Variants in CADPS observed in about 807,000 individuals in gnomAD.
CADPS encodes the protein calcium-dependent secretion activator 1.
In CADPS, 57 loss-of-function variants were observed where a neutral mutation model predicts 167.3. The observed-to-expected ratio is 0.34, with a 90% CI of 0.28 to 0.42. The LOEUF is 0.42. Ranked by LOEUF, CADPS falls within the 20% of genes least tolerant of loss-of-function variation. CADPS has a pLI of 1.00. For missense variants in CADPS, 1,414 were observed against 1,738.1 expected (o/e 0.81, Z 3.32); for synonymous variants, 676 against 635.3 (o/e 1.06, Z -0.96).
rs2150384978 is a variant in CADPS at position 62,465,939 on chromosome 3, A to C, written c.3552+400T>G. Among the ~76,000 whole-genome samples, 1 of 152,308 alleles carries C rather than the reference A, an allele frequency of 6.6e-6. No homozygotes were observed. The highest frequency in any genetic ancestry group is 2.4e-5 in the African/African-American group (1 of 41,564). ...TCATGAGGGTGACTGAAATAGCTTT[A>C]TCTGACTTTTATGTTTTATTATGAC... On this transcript the variant is annotated intron_variant, in intron 25 of 29. Coordinates refer to ENST00000383710, the MANE Select transcript of CADPS (RefSeq NM_003716.4). This position sits in a 1 kb window ranked among gnomAD's most constrained non-coding sequence, Gnocchi z 4.1.
intron 11 of CADPS, among the ~76,000 whole-genome samples, chr3:62,546,265 A>C (rs1327006282): frequency 6.6e-6 from 1 of 152,166 alleles, no homozygotes; most frequent in African/African-American, 2.4e-5. Context: ...TGTTCTTTAC[A>C]ACTATGTTAT....
At chr3:62,809,275 T>C (rs1365045541) in intron 1 of CADPS, among the ~76,000 whole-genome samples, 2 of 152,204 alleles carry the variant, frequency 1.3e-5, no homozygotes, top group Admixed American at 6.5e-5. Context: ...TGGCTTTCCA[T>C]TGCACTTAGA....
chr3:62,743,775 G>A (rs1323802581), intron 3 of CADPS, among the ~76,000 whole-genome samples: 2 of 152,088 alleles, frequency 1.3e-5, no homozygotes, highest in African/African-American at 4.8e-5. Context: ...GAATAGATGC[G>A]TCCATTAAAA....
chr3:62,531,607 T>G (rs1330332830), intron 13 of CADPS, among the ~76,000 whole-genome samples: 2 of 152,184 alleles, frequency 1.3e-5, no homozygotes, highest in African/African-American at 2.4e-5. Flanking sequence ...TTAAAATAAA[T>G]GTAGTCAATT....
chr3:62,413,542 T>C lies in CADPS; in HGVS notation c.3778-10357A>G, dbSNP rs143546766. 5.0e-3 allele frequency among the ~76,000 whole-genome samples: 765 copies of C among 152,312 alleles called. 5 individuals are homozygous for C. The highest frequency in any genetic ancestry group is 0.018 in the African/African-American group (736 of 41,564). ...CAGTCACGAAAAGATAAAAACTGTA[T>C]GATTCCACTTATATGAGGTATCTAG... On this transcript the variant is annotated intron_variant, in intron 28 of 29. Coordinates refer to ENST00000383710, the MANE Select transcript of CADPS (RefSeq NM_003716.4).
At chr3:62,707,385 G>T (rs1334722175) in intron 3 of CADPS, among the ~76,000 whole-genome samples, 1 of 152,122 alleles carries the variant, frequency 6.6e-6, no homozygotes, top group Non-Finnish European at 1.5e-5. Flanking sequence ...TCCCAAAAAG[G>T]TTGGGGAGCA....
At chr3:62,652,048 G>C (rs1013135552) in intron 4 of CADPS, among the ~76,000 whole-genome samples, 1 of 152,144 alleles carries the variant, frequency 6.6e-6, no homozygotes, top group Admixed American at 6.5e-5. Context: ...TAAAATCTTG[G>C]CTTTGGTTCC....
chr3:62,652,152 C>T (rs377761498), intron 4 of CADPS, among the ~76,000 whole-genome samples: 3 of 152,026 alleles, frequency 2.0e-5, no homozygotes, highest in Non-Finnish European at 4.4e-5. Context: ...TGCTATCTAA[C>T]GGAAAAGTGA....
At position 62,767,307 on chromosome 3, in the gene CADPS, T is replaced by A. The variant is rs534089706; in HGVS notation, c.442-1323A>T. Among the ~76,000 whole-genome samples, 3 of 152,294 alleles carry A rather than the reference T, an allele frequency of 2.0e-5. No homozygotes were observed. The South Asian group carries it at 6.2e-4, about 32-fold the overall frequency. On this transcript the variant is annotated intron_variant, in intron 1 of 29. Transcript: ENST00000383710. Reference sequence around the variant, plus strand: ...TGGAAAAAGCGACTTATATTCTGCATTGACCTGAGAGTGAAGAGCCAGCCT... The same window carrying A: ...TGGAAAAAGCGACTTATATTCTGCAATGACCTGAGAGTGAAGAGCCAGCCT...
At chr3:62,673,783 G>T (rs998999167) in intron 3 of CADPS, among the ~76,000 whole-genome samples, 17 of 152,116 alleles carry the variant, frequency 1.1e-4, no homozygotes, top group African/African-American at 4.1e-4. Flanking sequence ...CAAGCCAGAG[G>T]TGATTATATT....
At chr3:62,723,051 T>C (rs895671765) in intron 3 of CADPS, among the ~76,000 whole-genome samples, 1 of 152,176 alleles carries the variant, frequency 6.6e-6, no homozygotes, top group African/African-American at 2.4e-5. Context: ...AATATAGTAC[T>C]AGGCTTTGAG....
At chr3:62,621,148 T>C (rs1388271275) in intron 6 of CADPS, among the ~76,000 whole-genome samples, 1 of 152,208 alleles carries the variant, frequency 6.6e-6, no homozygotes, top group Non-Finnish European at 1.5e-5. Flanking sequence ...AATCTCTGGA[T>C]ATGGGGGCAC....
chr3:62,730,423 T>C (rs2077549403), intron 3 of CADPS, among the ~76,000 whole-genome samples: 1 of 152,174 alleles, frequency 6.6e-6, no homozygotes, highest in Admixed American at 6.5e-5. Flanking sequence ...ATTTGGGTAG[T>C]ATTCTAGTCA....
At chr3:62,839,178 G>A (rs1462530860) in intron 1 of CADPS, among the ~76,000 whole-genome samples, 2 of 152,214 alleles carry the variant, frequency 1.3e-5, no homozygotes, top group South Asian at 2.1e-4. Context: ...TCTAGGGGAG[G>A]AAATGGTCAG....
chr3:62,552,775 C>T (rs1020810715), intron 10 of CADPS, among the ~76,000 whole-genome samples: 2 of 152,142 alleles, frequency 1.3e-5, no homozygotes, highest in African/African-American at 4.8e-5. Flanking sequence ...ATAGCTACTT[C>T]TTTATATGGA....
At chr3:62,702,951 C>T (rs1463402546) in intron 3 of CADPS, among the ~76,000 whole-genome samples, 1 of 152,046 alleles carries the variant, frequency 6.6e-6, no homozygotes, top group South Asian at 2.1e-4. Context: ...GAAGCTGAGG[C>T]ACAGAGAGGT....
intron 8 of CADPS, among the ~76,000 whole-genome samples, chr3:62,572,524 C>T (rs181743065): frequency 2.0e-5 from 3 of 152,210 alleles, no homozygotes; most frequent in Non-Finnish European, 2.9e-5. Context: ...TCAGTGCCTC[C>T]CCCCTACCCC....
At chr3:62,582,808 T>C (rs1228689163) in intron 8 of CADPS, among the ~76,000 whole-genome samples, 1 of 152,204 alleles carries the variant, frequency 6.6e-6, no homozygotes. Context: ...TCTTCTGTCA[T>C]CTGTAGGGTC....
intron 6 of CADPS, among the ~76,000 whole-genome samples, chr3:62,597,344 C>G (rs1295003857): frequency 6.6e-6 from 1 of 152,050 alleles, no homozygotes; most frequent in African/African-American, 2.4e-5. Context: ...GAGACCTTGT[C>G]TCTAAAAGAA....
Sources: allele counts gnomAD v4.1 joint callset (sites outside exome capture counted in the v4.1 genomes callset), GRCh38; gene constraint gnomAD v4.1.1; non-coding constraint Gnocchi (gnomAD v3.1); transcripts MANE v1.5; gene names NCBI Gene and HGNC (gene_info 2026-07-23, HGNC 2026-07-21).